ARFGEF2: variants seen among roughly 807,000 people sequenced by gnomAD.
The protein encoded by ARFGEF2 is ARF guanine nucleotide exchange factor 2, also known as brefeldin A-inhibited guanine nucleotide-exchange protein 2.
Under a neutral mutation model 219.9 loss-of-function variants are expected in ARFGEF2, and 74 were observed. The observed-to-expected ratio is 0.34, with a 90% CI of 0.28 to 0.41. ARFGEF2 has a LOEUF of 0.41. Among genes scored for constraint, ARFGEF2 ranks in the 10% least tolerant of loss-of-function variants. ARFGEF2 has a pLI of 1.00. For missense variants in ARFGEF2, 1,743 were observed against 2,218.3 expected, an observed-to-expected ratio of 0.79 and a Z score of 4.30; for synonymous variants, 733 against 799.2, an observed-to-expected ratio of 0.92 and a Z score of 1.40.
chr20:49,022,967 C>T (rs2091574846), intron 34 of ARFGEF2, 84 bp from the exon 35 acceptor site: 2 of 1,565,906 alleles, frequency 1.3e-6, no homozygotes, highest in South Asian at 2.2e-5. Context: ...ATAAATCATG[C>T]CTTGCACATA....
At chr20:48,984,979 A>AC (rs2091318635) in intron 15 of ARFGEF2, 139 bp downstream of exon 15, 3 of 1,482,142 alleles carry the variant, frequency 2.0e-6, no homozygotes, top group Admixed American at 2.0e-5. Flanking sequence ...TCTATTGTCC[A>AC]CCCCCGGGTT....
rs560896393 is a variant in ARFGEF2, at chr20:48,954,984, C to T, written c.838+1194C>T. ...TTTAAATACACTGTAATAAGCATAG[C>T]TGTGCAGATATAAAACCAAGTCTCT... On this transcript the variant is annotated intron_variant, in intron 6 of 38. Coordinates refer to ENST00000371917, the MANE Select transcript of ARFGEF2 (RefSeq NM_006420.3). Among the ~76,000 whole-genome samples the T allele has an allele frequency of 2.6e-5, 4 of 152,286 alleles. No individual in the cohort carries two copies. The South Asian group carries it at 8.3e-4, about 32-fold the overall frequency.
intron 1 of ARFGEF2, among the ~76,000 whole-genome samples, chr20:48,934,691 T>A (rs376655666): frequency 5.8e-4 from 89 of 152,356 alleles, no homozygotes; most frequent in African/African-American, 2.1e-3. Context: ...AACTCATTCT[T>A]TTTTATGGTT....
At chr20:48,980,740 CCTT>C (rs2091290404) in intron 14 of ARFGEF2, among the ~76,000 whole-genome samples, 1 of 152,134 alleles carries the variant, frequency 6.6e-6, no homozygotes, top group Admixed American at 6.6e-5. Context: ...TATGTAATGG[CCTT>C]CTTTGTCTCT....
In ARFGEF2 at chr20:49,017,501, T is replaced by C; in HGVS notation, c.4460T>C (p.Leu1487Pro). Residue 1487 changes from leucine to proline, a missense_variant, in exon 33 of 39, where the codon CTG becomes CCG. By Grantham distance (98) the Leu-to-Pro change is moderately conservative. Transcript: ENST00000371917. ...TTCTCTATTTTTTTCTTCAGTTTGCTGACATGGAGACCTGTAGGAATGGAG... is the reference window on the plus strand; with the variant it reads ...TTCTCTATTTTTTTCTTCAGTTTGCCGACATGGAGACCTGTAGGAATGGAG... ...IFKTTIPHVL[L>P]TWRPVGMEED... 6.2e-7 allele frequency: 1 copy of C among 1,613,800 alleles called. No homozygotes were observed. Among genetic ancestry groups the C allele is most frequent in the Non-Finnish European group, 8.5e-7 (1 of 1,179,858 alleles).
Position 48,942,004 on chromosome 20 carries a change from TC to T in ARFGEF2, c.276+18del. On this transcript the variant is annotated intron_variant, in intron 3 of 38. Coordinates refer to ENST00000371917, the MANE Select transcript of ARFGEF2 (RefSeq NM_006420.3). ...TGCTTGCAGGTACCATGTTTAAACT[TC>T]GTGTTGTCAAGGGGGTTCTCTCCAA... 3 of 1,614,024 alleles carry T rather than the reference TC, an allele frequency of 1.9e-6. No individual in the cohort carries two copies. The highest frequency in any genetic ancestry group is 2.5e-6 in the Non-Finnish European group (3 of 1,179,996).
At chr20:49,016,558 G>A in intron 31 of ARFGEF2, 143 bp downstream of exon 31, 1 of 976,638 alleles carries the variant, frequency 1.0e-6, no homozygotes, top group Non-Finnish European at 1.5e-6. Context: ...TTTAATTACA[G>A]TATAAAAAAC....
At chr20:48,941,772 TTTAAA>T (rs1225143826) in intron 2 of ARFGEF2, 87 bp from the exon 3 acceptor site, 1 of 1,593,136 alleles carries the variant, frequency 6.3e-7, no homozygotes, top group Admixed American at 1.7e-5. Flanking sequence ...TTGCAGGCAC[TTTAAA>T]TTAAATGGTT....
chr20:49,004,919 AT>A, intron 25 of ARFGEF2, 150 bp from the exon 26 acceptor site: 1 of 877,516 alleles, frequency 1.1e-6, no homozygotes, highest in East Asian at 2.4e-5. Flanking sequence ...TGGACAGATC[AT>A]AGCCAAGAAA....
At chr20:49,006,865 A>G (rs1459122832) in intron 26 of ARFGEF2, among the ~76,000 whole-genome samples, 1 of 150,486 alleles carries the variant, frequency 6.6e-6, no homozygotes, top group Non-Finnish European at 1.5e-5. Context: ...TGAAAGATGG[A>G]AGCCGTTGGA....
Position 49,033,241 on chromosome 20 carries a change from C to T in ARFGEF2, c.*42C>T. The stretch of plus-strand genomic sequence containing the variant: ...CAGTGCTGCAGCTCTGCAGAATGTT[C>T]AGCATGCCATTTCTGACTGGCACAT... On this transcript the variant is annotated 3_prime_UTR_variant, in exon 39 of 39. Transcript: ENST00000371917. 1 of 1,608,826 alleles carries T rather than the reference C, an allele frequency of 6.2e-7. No individual in the cohort carries two copies. Among genetic ancestry groups the T allele is most frequent in the Non-Finnish European group, 8.5e-7 (1 of 1,175,738 alleles).
chr20:48,953,511 T>G (rs1196842253), intron 5 of ARFGEF2, 45 bp from the exon 6 acceptor site: 1 of 1,584,626 alleles, frequency 6.3e-7, no homozygotes, highest in South Asian at 1.1e-5. Context: ...GGCATAATTT[T>G]TCTTCCTTAC....
Position 48,921,825 on chromosome 20 carries a change from C to T in ARFGEF2, c.-65C>T. 1 of 1,419,628 alleles carries T rather than the reference C, an allele frequency of 7.0e-7. No individual in the cohort carries two copies. The highest frequency in any genetic ancestry group is 9.3e-7 in the Non-Finnish European group (1 of 1,076,748). The allele number at this position is 1,419,628 out of a possible 1,614,324, so 87.9% of individuals were successfully genotyped here. ...GCCGGCCGGGACGCCGGGCCCGCAG[C>T]CTAGCTCGCCATCTCGCTCACGCCG... On this transcript the variant is annotated 5_prime_UTR_variant, in exon 1 of 39. Coordinates refer to ENST00000371917, the MANE Select transcript of ARFGEF2 (RefSeq NM_006420.3).
chr20:48,950,533 A>T (rs1006877048), intron 3 of ARFGEF2, among the ~76,000 whole-genome samples: 1 of 151,898 alleles, frequency 6.6e-6, no homozygotes, highest in East Asian at 1.9e-4. Flanking sequence ...GGTGGCTCAC[A>T]TCTGTAATTC....
chr20:49,006,923 G>A (rs957168728), intron 26 of ARFGEF2, among the ~76,000 whole-genome samples: 5 of 150,072 alleles, frequency 3.3e-5, no homozygotes, highest in Non-Finnish European at 3.0e-5. Context: ...CTCATGATCC[G>A]CCCACCTGGG....
Position 49,023,421 on chromosome 20 carries a change from CAG to C in ARFGEF2, c.4755+245_4755+246del, listed in dbSNP as rs2091579072. Among the ~76,000 whole-genome samples, 3 of 152,108 alleles carry C rather than the reference CAG, an allele frequency of 2.0e-5. No homozygotes were observed. In the South Asian group the frequency reaches 6.2e-4, roughly 31 times the overall value. Reference sequence around the variant, plus strand: ...CTTCATTTTTTTTATGTATATACCCCAGAGAGTGAGTTTATGAGCATACCACT... The same window carrying C: ...CTTCATTTTTTTTATGTATATACCCCAGAGTGAGTTTATGAGCATACCACT... On this transcript the variant is annotated intron_variant, in intron 35 of 38. Transcript: ENST00000371917.
chr20:48,984,212 C>G (rs2091313025), intron 14 of ARFGEF2, among the ~76,000 whole-genome samples: 1 of 152,184 alleles, frequency 6.6e-6, no homozygotes. Context: ...CCATACTTAG[C>G]CAGAGAGGGT....
intron 25 of ARFGEF2, 95 bp from the exon 26 acceptor site, chr20:49,004,975 T>C: frequency 1.5e-6 from 2 of 1,374,724 alleles, no homozygotes; most frequent in Non-Finnish European, 2.1e-6. Flanking sequence ...TGAATGTTTG[T>C]TTTGAAGGTA....
In ARFGEF2 at chr20:49,033,135, T is replaced by C; in HGVS notation, c.5294T>C (p.Val1765Ala). 1.2e-6 allele frequency: 2 copies of C among 1,614,262 alleles called. No homozygotes were observed. Among genetic ancestry groups the C allele is most frequent in the Non-Finnish European group, 1.7e-6 (2 of 1,180,042 alleles). Reference protein sequence around the residue: ...LRKFFLRIGVVYKIWIPEEPS... With the variant: ...LRKFFLRIGVAYKIWIPEEPS... ...AAGTTCTTCCTACGGATAGGTGTTGTGTATAAGATATGGATACCAGAAGAG... is the reference window on the plus strand; with the variant it reads ...AAGTTCTTCCTACGGATAGGTGTTGCGTATAAGATATGGATACCAGAAGAG... Residue 1765 changes from valine to alanine, a missense_variant, in exon 39 of 39, where the codon GTG becomes GCG. Val to Ala is a moderately conservative substitution (Grantham distance 64). Transcript: ENST00000371917.
Sources: allele counts gnomAD v4.1 joint callset (sites outside exome capture counted in the v4.1 genomes callset), GRCh38; gene constraint gnomAD v4.1.1; transcripts MANE v1.5; gene names NCBI Gene and HGNC (gene_info 2026-07-23, HGNC 2026-07-21).